Variants in PLEKHA8 observed in about 807,000 individuals in gnomAD.
PLEKHA8 encodes the protein pleckstrin homology domain-containing family A member 8.
Under a neutral mutation model 68.2 loss-of-function variants are expected in PLEKHA8, and 36 were observed. The ratio of observed to expected loss-of-function variants is 0.53; its 90% CI spans 0.40 to 0.70. PLEKHA8 has a LOEUF of 0.70. Ranked by LOEUF, PLEKHA8 falls within the 30% of genes least tolerant of loss-of-function variation. The probability of loss-of-function intolerance (pLI) is 0.00; values close to 1 mark genes in which losing one functional copy is unlikely to be tolerated. For missense variants in PLEKHA8, 505 were observed against 615.4 expected, an observed-to-expected ratio of 0.82 and a Z score of 1.90; for synonymous variants, 211 against 216.1, an observed-to-expected ratio of 0.98 and a Z score of 0.20.
chr7:30,046,421 C>CT, intron 3 of PLEKHA8, 56 bp downstream of exon 3: 4 of 1,504,502 alleles, frequency 2.7e-6, no homozygotes, highest in Non-Finnish European at 3.6e-6. Context: ...ACTGGCATCT[C>CT]TGATTTCCCT....
intron 1 of PLEKHA8, among the ~76,000 whole-genome samples, chr7:30,041,787 A>G (rs898964534): frequency 6.6e-6 from 1 of 151,740 alleles, no homozygotes; most frequent in Non-Finnish European, 1.5e-5. Context: ...AGATAAAACT[A>G]GTTTAGTACA....
chr7:30,077,782 C>T (rs901845850), intron 13 of PLEKHA8, among the ~76,000 whole-genome samples: 4 of 152,102 alleles, frequency 2.6e-5, no homozygotes, highest in South Asian at 4.1e-4. Context: ...TTCAAAAAGC[C>T]TCTGCTGAGA....
intron 7 of PLEKHA8, among the ~76,000 whole-genome samples, chr7:30,053,580 T>C (rs1204017552): frequency 1.3e-5 from 2 of 152,210 alleles, no homozygotes; most frequent in African/African-American, 2.4e-5. Flanking sequence ...CCACACATCA[T>C]TGGAGCCTTA....
intron 1 of PLEKHA8, among the ~76,000 whole-genome samples, chr7:30,031,973 A>C (rs546706215): frequency 6.7e-6 from 1 of 149,420 alleles, no homozygotes; most frequent in Non-Finnish European, 1.5e-5. Flanking sequence ...GAAAAATACA[A>C]AAAAAAAAAA....
chr7:30,041,521 G>A (rs771770618), intron 1 of PLEKHA8, among the ~76,000 whole-genome samples: 5 of 149,298 alleles, frequency 3.3e-5, no homozygotes, highest in Non-Finnish European at 5.9e-5. Flanking sequence ...CTAGGCTCAA[G>A]CAGTCCTCCT....
intron 1 of PLEKHA8, among the ~76,000 whole-genome samples, chr7:30,035,266 A>G (rs958696267): frequency 6.6e-6 from 1 of 152,154 alleles, no homozygotes; most frequent in Admixed American, 6.5e-5. Flanking sequence ...CAGCAATAAT[A>G]ATAGCTGTAC....
At chr7:30,090,697 C>T (rs1795380869) in exon 13 of PLEKHA8, 1 of 661,658 alleles carries the variant, frequency 1.5e-6, no homozygotes, top group African/African-American at 2.0e-5. Flanking sequence ...AACACAATTT[C>T]TTAAATTTTT....
intron 13 of PLEKHA8, among the ~76,000 whole-genome samples, chr7:30,127,379 T>C (rs991003194): frequency 6.6e-6 from 1 of 152,214 alleles, no homozygotes; most frequent in African/African-American, 2.4e-5. Context: ...AACATATAGA[T>C]ACTATGGGTG....
chr7:30,032,449 A>C (rs1790738080), intron 1 of PLEKHA8, among the ~76,000 whole-genome samples: 1 of 152,248 alleles, frequency 6.6e-6, no homozygotes, highest in African/African-American at 2.4e-5. Flanking sequence ...GGATTAACTC[A>C]GTCTTTGCAG....
At chr7:30,060,446 C>A (rs534935198) in intron 9 of PLEKHA8, among the ~76,000 whole-genome samples, 21 of 105,524 alleles carry the variant, frequency 2.0e-4, no homozygotes, top group African/African-American at 7.1e-4. Flanking sequence ...CTCAAAAAAA[C>A]AAACAAACCG....
intron 1 of PLEKHA8, among the ~76,000 whole-genome samples, chr7:30,036,413 TA>T: frequency 2.0e-5 from 1 of 49,738 alleles, no homozygotes; most frequent in African/African-American, 6.5e-5. Flanking sequence ...ATAGAATAGA[TA>T]GATAGATAGA....
At chr7:30,121,151 A>G (rs1796690596) in intron 13 of PLEKHA8, among the ~76,000 whole-genome samples, 1 of 152,138 alleles carries the variant, frequency 6.6e-6, no homozygotes, top group African/African-American at 2.4e-5. Flanking sequence ...AAAAATAGGT[A>G]TCTTTTTCTC....
intron 5 of PLEKHA8, 90 bp from the exon 6 acceptor site, chr7:30,050,344 C>A: frequency 1.4e-6 from 2 of 1,461,700 alleles, no homozygotes; most frequent in South Asian, 2.8e-5. Flanking sequence ...GTCATATGGT[C>A]ATATTTACCA....
At chr7:30,060,352 C>T (rs1326461534) in intron 9 of PLEKHA8, among the ~76,000 whole-genome samples, 1 of 151,952 alleles carries the variant, frequency 6.6e-6, no homozygotes, top group Non-Finnish European at 1.5e-5. Context: ...GAGGGAGAAT[C>T]GCTTGAACCT....
At chr7:30,112,567 T>C (rs1796307061) in intron 13 of PLEKHA8, among the ~76,000 whole-genome samples, 1 of 151,912 alleles carries the variant, frequency 6.6e-6, no homozygotes, top group East Asian at 1.9e-4. Context: ...AAGAAAAAAG[T>C]GGCCAGGCAC....
intron 2 of PLEKHA8, 76 bp downstream of exon 2, chr7:30,045,277 G>A: frequency 2.8e-6 from 3 of 1,065,600 alleles, no homozygotes; most frequent in Non-Finnish European, 4.2e-6. Context: ...CCTGGCCCCT[G>A]CATACCTTTC....
downstream of PLEKHA8, among the ~76,000 whole-genome samples, chr7:30,094,758 A>C (rs1041690802): frequency 7.3e-6 from 1 of 136,784 alleles, no homozygotes; most frequent in Non-Finnish European, 1.5e-5. Context: ...TCCCACCTAT[A>C]AGTGAGAACA....
intron 1 of PLEKHA8, among the ~76,000 whole-genome samples, chr7:30,033,088 T>G (rs1790786753): frequency 6.6e-6 from 1 of 152,274 alleles, no homozygotes; most frequent in Non-Finnish European, 1.5e-5. Flanking sequence ...AGTATGAGGA[T>G]TCTTGGTTTC....
At chr7:30,054,906 A>G in intron 8 of PLEKHA8, 41 bp downstream of exon 8, 1 of 1,531,394 alleles carries the variant, frequency 6.5e-7, no homozygotes, top group Non-Finnish European at 8.9e-7. Context: ...TTGGATACTA[A>G]CTTCCATTCT....
Sources: allele counts gnomAD v4.1 joint callset (sites outside exome capture counted in the v4.1 genomes callset), GRCh38; gene constraint gnomAD v4.1.1; transcripts MANE v1.5; gene names NCBI Gene and HGNC (gene_info 2026-07-23, HGNC 2026-07-21).